Variants in STAG1 observed in about 807,000 individuals in gnomAD.
STAG1 encodes cohesin subunit SA-1.
A neutral mutation model predicts 170.9 loss-of-function variants in STAG1; 26 were observed. That is an observed-to-expected ratio of 0.15 (90% CI 0.11 to 0.21). The LOEUF is 0.21. Among genes scored for constraint, STAG1 ranks in the 10% least tolerant of loss-of-function variants. The pLI is 1.00. For missense variants in STAG1, 964 were observed against 1,509.5 expected, an observed-to-expected ratio of 0.64 and a Z score of 5.99; for synonymous variants, 514 against 497.7, an observed-to-expected ratio of 1.03 and a Z score of -0.44.
At chr3:136,378,118 G>A (rs1937709912) in intron 22 of STAG1, among the ~76,000 whole-genome samples, 1 of 152,184 alleles carries the variant, frequency 6.6e-6, no homozygotes, top group Non-Finnish European at 1.5e-5. Context: ...AACTCAATTA[G>A]GCAACAAATG....
At chr3:136,578,373 AG>A (rs1419884195) in intron 4 of STAG1, among the ~76,000 whole-genome samples, 1 of 152,184 alleles carries the variant, frequency 6.6e-6, no homozygotes. Flanking sequence ...GGAACAATAT[AG>A]GTGGGCAGCC....
chr3:136,484,735 G>A (rs12386363), intron 9 of STAG1, among the ~76,000 whole-genome samples: 6 of 151,008 alleles, frequency 4.0e-5, no homozygotes, highest in East Asian at 2.0e-4. Context: ...GCGAGATTCC[G>A]TGGGCGTAGG....
intron 2 of STAG1, among the ~76,000 whole-genome samples, chr3:136,626,041 G>T (rs1213232196): frequency 6.7e-6 from 1 of 150,198 alleles, no homozygotes; most frequent in East Asian, 2.0e-4. Context: ...CGAAAGAGTA[G>T]AACTCTGTCT....
At chr3:136,394,938 CAA>C (rs778204800) in intron 22 of STAG1, among the ~76,000 whole-genome samples, 15 of 59,288 alleles carry the variant, frequency 2.5e-4, no homozygotes, top group Admixed American at 5.7e-4. Flanking sequence ...GACTCTGTCT[CAA>C]AAAAAAAAAA....
intron 1 of STAG1, among the ~76,000 whole-genome samples, chr3:136,671,198 C>T (rs1559941853): frequency 6.6e-6 from 1 of 152,076 alleles, no homozygotes; most frequent in African/African-American, 2.4e-5. Context: ...ACAGGAGAAT[C>T]GCTTGAAATC....
intron 6 of STAG1, among the ~76,000 whole-genome samples, chr3:136,537,124 TATTTTCTTTAAC>T (rs1935671835): frequency 1.3e-5 from 2 of 152,234 alleles, no homozygotes. Context: ...TTTCTAATTC[TATTTTCTTTAAC>T]ATTTTCTGTT....
chr3:136,531,837 C>G (rs1328641635), intron 6 of STAG1, among the ~76,000 whole-genome samples: 1 of 149,476 alleles, frequency 6.7e-6, no homozygotes, highest in Non-Finnish European at 1.5e-5. Flanking sequence ...GTGCAGCGCA[C>G]CAGCATGGCA....
chr3:136,509,514 G>C (rs1475705655), intron 7 of STAG1, among the ~76,000 whole-genome samples: 3 of 152,012 alleles, frequency 2.0e-5, no homozygotes, highest in Non-Finnish European at 4.4e-5. Context: ...ATATGAAAGA[G>C]GAAGACAGAA....
At chr3:136,395,055 T>G (rs1055096337) in intron 22 of STAG1, among the ~76,000 whole-genome samples, 10 of 151,166 alleles carry the variant, frequency 6.6e-5, no homozygotes, top group African/African-American at 2.4e-4. Flanking sequence ...GAGGCCACAG[T>G]GAGCCGTGAC....
chr3:136,517,211 C>A lies in STAG1; in HGVS notation c.676+4002G>T, dbSNP rs76998793. ...AAGACTGGCCTTGTGATGATCTTGA[C>A]CACATTTTCTAATTTTTTCCCAAAT... On this transcript the variant is annotated intron_variant, in intron 7 of 33. Coordinates refer to ENST00000383202, the MANE Select transcript of STAG1 (RefSeq NM_005862.3). Among the ~76,000 whole-genome samples, 982 of 152,126 alleles carry A rather than the reference C, an allele frequency of 6.5e-3. 12 individuals carry two copies. The highest frequency in any genetic ancestry group is 0.022 in the African/African-American group (933 of 41,482).
At chr3:136,551,180 TGA>T (rs200766766) in intron 5 of STAG1, among the ~76,000 whole-genome samples, 1 of 139,598 alleles carries the variant, frequency 7.2e-6, no homozygotes, top group Non-Finnish European at 1.5e-5. Context: ...TTTTTTTTTT[TGA>T]GAGAGAGAGA....
intron 4 of STAG1, among the ~76,000 whole-genome samples, chr3:136,582,741 G>C (rs1431500740): frequency 6.6e-6 from 1 of 152,216 alleles, no homozygotes; most frequent in Non-Finnish European, 1.5e-5. Context: ...GGAGGCTGCA[G>C]TGAGCAGAGA....
chr3:136,647,565 G>A (rs540502579), intron 1 of STAG1, among the ~76,000 whole-genome samples: 1 of 151,970 alleles, frequency 6.6e-6, no homozygotes, highest in South Asian at 2.1e-4. Context: ...GCGAAACTCG[G>A]TCTCCAAGAA....
chr3:136,410,582 G>C (rs1228252083), intron 21 of STAG1, among the ~76,000 whole-genome samples: 2 of 152,178 alleles, frequency 1.3e-5, no homozygotes, highest in African/African-American at 4.8e-5. Flanking sequence ...TAGTTATTTA[G>C]TATCTCTGGT....
chr3:136,386,329 ACT>A (rs1273288869), intron 22 of STAG1, among the ~76,000 whole-genome samples: 1 of 152,034 alleles, frequency 6.6e-6, no homozygotes, highest in Non-Finnish European at 1.5e-5. Flanking sequence ...ACAGAGTGAG[ACT>A]CTGTCGCAAA....
chr3:136,460,084 G>A (rs2089231539), intron 13 of STAG1, among the ~76,000 whole-genome samples: 1 of 151,722 alleles, frequency 6.6e-6, no homozygotes. Context: ...AACCACAATT[G>A]GTTTTTTAAA....
chr3:136,651,188 G>A (rs1941205143), intron 1 of STAG1, among the ~76,000 whole-genome samples: 1 of 151,926 alleles, frequency 6.6e-6, no homozygotes, highest in Non-Finnish European at 1.5e-5. Flanking sequence ...AACGCAGTGA[G>A]CTCTCGTCTC....
Position 136,359,230 on chromosome 3 carries a change from T to C in STAG1, c.2854A>G (p.Ile952Val). 1.2e-6 allele frequency: 2 copies of C among 1,613,832 alleles called. No individual in the cohort carries two copies. The highest frequency in any genetic ancestry group is 1.1e-5 in the South Asian group (1 of 91,032). ...GCAAAGCGACGTGCCAGTTCTTTAA[T>C]GCCACTGACATGGGCAGATGTCCTA... ...LDRTSAHVSGIKELARRFALT... is the reference protein window; with the variant it reads ...LDRTSAHVSGVKELARRFALT... The change falls in exon 27 of 34, where the codon ATT becomes GTT. Residue 952 changes from isoleucine to valine, a missense_variant. Around this residue, in one of 11 missense-constraint regions of STAG1, gnomAD observed 149 missense variants for 301.3 expected, o/e 0.49. Transcript: ENST00000383202.
At chr3:136,503,577 T>C (rs943813061) in intron 7 of STAG1, among the ~76,000 whole-genome samples, 1 of 152,148 alleles carries the variant, frequency 6.6e-6, no homozygotes, top group African/African-American at 2.4e-5. Context: ...TGGTAAATAA[T>C]TTCCCCTTTT....
Sources: allele counts gnomAD v4.1 joint callset (sites outside exome capture counted in the v4.1 genomes callset), GRCh38; gene constraint gnomAD v4.1.1; regional missense constraint gnomAD v4.1.1; transcripts MANE v1.5; gene names NCBI Gene and HGNC (gene_info 2026-07-23, HGNC 2026-07-21).